The following NDST4 variants were observed in gnomAD, a reference collection of about 807,000 sequenced individuals.
The protein encoded by NDST4 is N-deacetylase and N-sulfotransferase 4.
In NDST4, 63 loss-of-function variants were observed where a neutral mutation model predicts 100.8. The observed-to-expected ratio is 0.62, with a 90% confidence interval of 0.51 to 0.77. The LOEUF (loss-of-function observed/expected upper bound fraction) is 0.77. NDST4 is among the 30% of genes least tolerant of loss of function. The pLI, the probability that NDST4 is intolerant of heterozygous loss-of-function variation, is 0.00. For synonymous variants in NDST4, 377 were observed against 361.8 expected (o/e 1.04, Z -0.48); for missense variants, 943 against 1,018.4 (o/e 0.93, Z 1.01).
intron 4 of NDST4, among the ~76,000 whole-genome samples, chr4:114,952,916 T>A (rs770779751): frequency 9.2e-5 from 14 of 152,232 alleles, no homozygotes; most frequent in Non-Finnish European, 1.5e-4. Flanking sequence ...CAACAATTAC[T>A]CATCTATTCA....
Position 114,829,814 on chromosome 4 carries a change from T to G in NDST4, c.2475A>C (p.Arg825=). 1 of 1,611,454 alleles carries G rather than the reference T, an allele frequency of 6.2e-7. No individual in the cohort carries two copies. Among genetic ancestry groups the G allele is most frequent in the Non-Finnish European group, 8.5e-7 (1 of 1,179,342 alleles). ...KTKCLGKSKG[R]KYPPMDPESR... ...CCTCTGGATCCATAGGTGGATATTT[T>G]CGGCCTTTGCTTTTTCCAAGGCATT... The change falls in exon 13 of 14, where the codon CGA becomes CGC. Residue 825 remains arginine (R), a synonymous_variant. Transcript: ENST00000264363.
At chr4:114,905,469 T>C (rs540801764) in intron 6 of NDST4, among the ~76,000 whole-genome samples, 1 of 152,052 alleles carries the variant, frequency 6.6e-6, no homozygotes, top group African/African-American at 2.4e-5. Context: ...CAGAGTTCTG[T>C]TTTTAAAAAA....
chr4:115,003,984 G>T (rs1454582205), intron 2 of NDST4, among the ~76,000 whole-genome samples: 2 of 152,120 alleles, frequency 1.3e-5, no homozygotes, highest in East Asian at 1.9e-4. Context: ...GTGGGGAAGA[G>T]AACTTGGAGT....
intron 6 of NDST4, among the ~76,000 whole-genome samples, chr4:114,918,664 T>C (rs1725228596): frequency 1.3e-5 from 2 of 152,142 alleles, no homozygotes; most frequent in Non-Finnish European, 2.9e-5. Context: ...ACCCCTCCCC[T>C]GACCATTTGA....
At chr4:114,842,078 T>C in intron 10 of NDST4, among the ~76,000 whole-genome samples, 1 of 152,252 alleles carries the variant, frequency 6.6e-6, no homozygotes, top group East Asian at 1.9e-4. Flanking sequence ...ATACACAAAA[T>C]GCACTCACAT....
chr4:115,033,486 T>C (rs1045366191), intron 2 of NDST4, among the ~76,000 whole-genome samples: 2 of 152,024 alleles, frequency 1.3e-5, no homozygotes, highest in African/African-American at 2.4e-5. Flanking sequence ...TAATATTGAT[T>C]AAAATGTTTT....
At chr4:114,936,202 C>G (rs908937618) in intron 5 of NDST4, among the ~76,000 whole-genome samples, 20 of 152,164 alleles carry the variant, frequency 1.3e-4, no homozygotes, top group African/African-American at 4.6e-4. Flanking sequence ...GGTATTTTCA[C>G]TATGATTTGA....
intron 2 of NDST4, among the ~76,000 whole-genome samples, chr4:115,064,934 G>T (rs1165046426): frequency 1.3e-5 from 2 of 152,096 alleles, no homozygotes; most frequent in African/African-American, 4.8e-5. Flanking sequence ...GGATGCCCAT[G>T]TTAAATCATT....
Position 115,100,503 on chromosome 4 carries a change from A to G in NDST4, c.-247+12941T>C, listed in dbSNP as rs114034270. On this transcript the variant is annotated intron_variant, in intron 1 of 13. Coordinates refer to ENST00000264363, the MANE Select transcript of NDST4 (RefSeq NM_022569.3). Reference sequence around the variant, plus strand: ...ATTCAAAAAAAGAGCAAGCTGTTTCATGACATTTATATATAACTTTCTAGC... The same window carrying G: ...ATTCAAAAAAAGAGCAAGCTGTTTCGTGACATTTATATATAACTTTCTAGC... Among the ~76,000 whole-genome samples the G allele has an allele frequency of 3.9e-3, 596 of 152,204 alleles. 3 individuals are homozygous for G. The highest frequency in any genetic ancestry group is 0.013 in the African/African-American group (550 of 41,566).
At position 114,933,327 on chromosome 4, in the gene NDST4, A is replaced by G. The variant is rs144721382; in HGVS notation, c.1536+1879T>C. 8.9e-4 allele frequency among the ~76,000 whole-genome samples: 135 copies of G among 152,168 alleles called. 1 individual carries two copies. Among genetic ancestry groups the G allele is most frequent in the African/African-American group, 3.1e-3 (128 of 41,542 alleles). ...CACCATATTTAAAAATCAACTCAAA[A>G]TGGACTAAAGGTTTAAATCAAATAC... is the stretch of plus-strand genomic sequence containing the variant. On this transcript the variant is annotated intron_variant, in intron 6 of 13. Coordinates refer to ENST00000264363, the MANE Select transcript of NDST4 (RefSeq NM_022569.3).
intron 2 of NDST4, among the ~76,000 whole-genome samples, chr4:114,985,477 G>A (rs1010711064): frequency 2.6e-5 from 4 of 152,158 alleles, no homozygotes; most frequent in African/African-American, 9.7e-5. Context: ...TGTGTTAGGT[G>A]ATGAGCAACA....
intron 2 of NDST4, among the ~76,000 whole-genome samples, chr4:114,989,294 T>C (rs1726984979): frequency 6.6e-6 from 1 of 152,210 alleles, no homozygotes; most frequent in African/African-American, 2.4e-5. Context: ...GTATGAATGG[T>C]ATCCTTTGGA....
Position 114,992,237 on chromosome 4 carries a change from C to A in NDST4, c.979-14963G>T, listed in dbSNP as rs74969405. On this transcript the variant is annotated intron_variant, in intron 2 of 13. Transcript: ENST00000264363. ...TTACATTTATTTATAGTTTTTACAT[C>A]TCCTTAAGCTACTCTTGCCTGCAAC... Among the ~76,000 whole-genome samples the A allele has an allele frequency of 5.3e-5, 8 of 151,680 alleles. No homozygotes were observed. The East Asian group carries it at 1.4e-3, about 26-fold the overall frequency.
At chr4:114,985,394 C>T (rs1483531321) in intron 2 of NDST4, among the ~76,000 whole-genome samples, 3 of 152,264 alleles carry the variant, frequency 2.0e-5, no homozygotes, top group East Asian at 3.9e-4. Context: ...ATTAATTGGA[C>T]TGTATGTTTT....
At chr4:114,927,803 G>A (rs573579812) in intron 6 of NDST4, among the ~76,000 whole-genome samples, 27 of 152,136 alleles carry the variant, frequency 1.8e-4, no homozygotes, top group African/African-American at 4.8e-4. Flanking sequence ...GATGATTAAT[G>A]GAAAAGGAAA....
At position 114,970,418 on chromosome 4, in the gene NDST4, A is replaced by G. The variant is rs1463578785; in HGVS notation, c.1221+12T>C. 4.4e-6 allele frequency: 7 copies of G among 1,606,426 alleles called. No homozygotes were observed. Among genetic ancestry groups the G allele is most frequent in the Non-Finnish European group, 6.0e-6 (7 of 1,175,196 alleles). On this transcript the variant is annotated intron_variant, in intron 4 of 13. Coordinates refer to ENST00000264363, the MANE Select transcript of NDST4 (RefSeq NM_022569.3). ...TTATAGTTCAAAAGATACCACAATAAAATGTGCTCACCAGTGCAAATTCCT... is the reference window on the plus strand; with the variant it reads ...TTATAGTTCAAAAGATACCACAATAGAATGTGCTCACCAGTGCAAATTCCT...
chr4:114,906,481 C>T (rs995357586), intron 6 of NDST4, among the ~76,000 whole-genome samples: 3 of 151,842 alleles, frequency 2.0e-5, no homozygotes, highest in African/African-American at 7.2e-5. Context: ...AACTTCCATG[C>T]TGTAAACATA....
Position 114,912,090 on chromosome 4 carries a change from A to G in NDST4, c.1536+23116T>C, listed in dbSNP as rs143908705. 5.1e-4 allele frequency among the ~76,000 whole-genome samples: 78 copies of G among 152,252 alleles called. 2 individuals carry two copies. In the Middle Eastern group the frequency reaches 0.017, roughly 33 times the overall value. On this transcript the variant is annotated intron_variant, in intron 6 of 13. Transcript: ENST00000264363. ...TGTAAAAGGGAAATTAGTTGTGAAAATTCCTGTTTCATAAGACTCTAAGAG... is the reference window on the plus strand; with the variant it reads ...TGTAAAAGGGAAATTAGTTGTGAAAGTTCCTGTTTCATAAGACTCTAAGAG...
chr4:114,929,113 C>CTATCTATCTATCTATCT (rs1560817117), intron 6 of NDST4, among the ~76,000 whole-genome samples: 1 of 117,392 alleles, frequency 8.5e-6, no homozygotes. Context: ...TCCATCCATC[C>CTATCTATCTATCTATCT]ATCTATCTAT....
Sources: gnomAD v4.1 joint callset for allele counts (sites outside exome capture counted in the v4.1 genomes callset) on GRCh38, gnomAD v4.1.1 for gene constraint, MANE v1.5 for transcripts, NCBI Gene and HGNC (gene_info 2026-07-23, HGNC 2026-07-21) for gene names.